Variants in CAST observed in about 807,000 individuals in gnomAD.
CAST encodes the protein calpastatin.
CAST carries 76 observed loss-of-function variants against 119.6 expected under a neutral mutation model. The observed-to-expected ratio is 0.64, with a 90% CI of 0.53 to 0.77. The LOEUF is 0.77. Among genes scored for constraint, CAST ranks in the 30% least tolerant of loss-of-function variants. CAST has a pLI of 0.00. For missense variants in CAST, 953 were observed against 946.5 expected (o/e 1.01, Z -0.09); for synonymous variants, 319 against 331.6 (o/e 0.96, Z 0.41).
intron 1 of CAST, among the ~76,000 whole-genome samples, chr5:96,628,648 A>G (rs574061164): frequency 2.6e-5 from 4 of 152,034 alleles, no homozygotes; most frequent in Non-Finnish European, 5.9e-5. Context: ...ACCACTTACC[A>G]CCACCCACCC....
At chr5:96,464,552 A>T in the CAST span, among the ~76,000 whole-genome samples, 1 of 152,118 alleles carries the variant, frequency 6.6e-6, no homozygotes, top group African/African-American at 2.4e-5. Flanking sequence ...CCAAAATACC[A>T]CTGAGTAAAT....
At chr5:96,106,737 G>A in the CAST span, among the ~76,000 whole-genome samples, 1 of 151,800 alleles carries the variant, frequency 6.6e-6, no homozygotes, top group Non-Finnish European at 1.5e-5. Context: ...TGTCTATTAG[G>A]TCCACTTGGT....
intron 1 of CAST, among the ~76,000 whole-genome samples, chr5:96,531,082 T>G (rs1044317831): frequency 5.9e-5 from 9 of 152,148 alleles, no homozygotes; most frequent in Non-Finnish European, 8.8e-5. Flanking sequence ...CATGAGTCAC[T>G]GCACCCCACT....
the CAST span, among the ~76,000 whole-genome samples, chr5:96,032,749 T>C: frequency 2.6e-5 from 4 of 152,100 alleles, no homozygotes; most frequent in African/African-American, 9.7e-5. Context: ...TGAAAAACTT[T>C]ATATACCACT....
chr5:96,146,660 C>T, the CAST span, among the ~76,000 whole-genome samples: 48 of 152,326 alleles, frequency 3.2e-4, no homozygotes, highest in Admixed American at 1.8e-3. Flanking sequence ...AGTTCTAGGC[C>T]ACAGCAAACA....
the CAST span, among the ~76,000 whole-genome samples, chr5:96,200,155 G>T: frequency 6.6e-6 from 1 of 152,080 alleles, no homozygotes; most frequent in Non-Finnish European, 1.5e-5. Flanking sequence ...TGGGAAGTTT[G>T]CATGATACCT....
At chr5:96,715,554 C>A (rs1757045894) in intron 3 of CAST, among the ~76,000 whole-genome samples, 1 of 152,120 alleles carries the variant, frequency 6.6e-6, no homozygotes, top group Admixed American at 6.5e-5. Context: ...TGATAAAATG[C>A]AGATAATGTT....
At chr5:96,117,635 A>G in the CAST span, among the ~76,000 whole-genome samples, 7 of 152,292 alleles carry the variant, frequency 4.6e-5, no homozygotes, top group Admixed American at 3.3e-4. Context: ...GTTTGAAGCA[A>G]AGTTAACTGG....
chr5:96,216,049 C>G, the CAST span, among the ~76,000 whole-genome samples: 1 of 152,168 alleles, frequency 6.6e-6, no homozygotes. Context: ...CTCAAGTGAT[C>G]TGCTCACCTA....
At chr5:96,411,460 A>G in the CAST span, among the ~76,000 whole-genome samples, 6 of 152,236 alleles carry the variant, frequency 3.9e-5, no homozygotes, top group Non-Finnish European at 8.8e-5. Flanking sequence ...CGCCCTTTCT[A>G]TGATTTTTCA....
chr5:96,300,993 T>C, the CAST span, among the ~76,000 whole-genome samples: 1 of 152,150 alleles, frequency 6.6e-6, no homozygotes, highest in Non-Finnish European at 1.5e-5. Flanking sequence ...AGGTCTGTAT[T>C]AGTCTGTTCT....
chr5:96,753,264 G>C (rs1362805535), intron 20 of CAST, among the ~76,000 whole-genome samples: 1 of 152,138 alleles, frequency 6.6e-6, no homozygotes, highest in Non-Finnish European at 1.5e-5. Context: ...CCAAAATGCT[G>C]TGATGGATTA....
At chr5:96,501,221 T>G in the CAST span, among the ~76,000 whole-genome samples, 1 of 152,064 alleles carries the variant, frequency 6.6e-6, no homozygotes, top group African/African-American at 2.4e-5. Flanking sequence ...TATAAAATAT[T>G]AAATAATACA....
chr5:96,328,114 C>T, the CAST span, among the ~76,000 whole-genome samples: 1 of 152,170 alleles, frequency 6.6e-6, no homozygotes, highest in Non-Finnish European at 1.5e-5. Flanking sequence ...TCTTGTGAAG[C>T]TGGGCTTTCC....
chr5:96,152,607 G>C, the CAST span, among the ~76,000 whole-genome samples: 1 of 152,158 alleles, frequency 6.6e-6, no homozygotes. Context: ...GGTGAAGAGA[G>C]AGGAAAAATG....
chr5:96,410,556 T>C, the CAST span, among the ~76,000 whole-genome samples: 64 of 152,088 alleles, frequency 4.2e-4, no homozygotes, highest in Admixed American at 4.1e-3. Context: ...GGTTTAAAAA[T>C]GACAGAGGGG....
At chr5:95,965,885 T>A in the CAST span, among the ~76,000 whole-genome samples, 1 of 152,232 alleles carries the variant, frequency 6.6e-6, no homozygotes, top group Non-Finnish European at 1.5e-5. Flanking sequence ...TTTATTGTAT[T>A]GTGTGAATAT....
the CAST span, among the ~76,000 whole-genome samples, chr5:96,280,210 C>T: frequency 2.6e-5 from 4 of 151,956 alleles, no homozygotes; most frequent in Admixed American, 2.0e-4. Flanking sequence ...TTTAAATTAC[C>T]GTAAATTCAT....
chr5:96,439,298 C>A, the CAST span, among the ~76,000 whole-genome samples: 1 of 151,782 alleles, frequency 6.6e-6, no homozygotes, highest in African/African-American at 2.4e-5. Context: ...AGGACATAAA[C>A]TTATGAAATG....
Sources: gnomAD v4.1 joint callset for allele counts (sites outside exome capture counted in the v4.1 genomes callset) on GRCh38, gnomAD v4.1.1 for gene constraint, MANE v1.5 for transcripts, NCBI Gene and HGNC (gene_info 2026-07-23, HGNC 2026-07-21) for gene names.